The following HS3ST5 variants were observed in gnomAD, a reference collection of about 807,000 sequenced individuals.
HS3ST5 encodes heparan sulfate-glucosamine 3-sulfotransferase 5, also known as heparan sulfate glucosamine 3-O-sulfotransferase 5.
HS3ST5 carries 10 observed loss-of-function variants against 25.4 expected under a neutral mutation model. The observed-to-expected ratio is 0.39, with a 90% CI of 0.24 to 0.67. HS3ST5 has a LOEUF of 0.67. HS3ST5 is among the 30% of genes least tolerant of loss of function. HS3ST5 has a pLI of 0.44. For missense variants in HS3ST5, 324 were observed against 420.7 expected (o/e 0.77, Z 2.01); for synonymous variants, 170 against 162.4 (o/e 1.05, Z -0.36).
At chr6:114,148,196 T>G (rs1035451322) in intron 3 of HS3ST5, among the ~76,000 whole-genome samples, 24 of 152,328 alleles carry the variant, frequency 1.6e-4, no homozygotes, top group Middle Eastern at 3.4e-3. Context: ...AATTCCCTAT[T>G]TAATAAATGG....
At chr6:114,201,612 GTT>G (rs1781018259) in intron 2 of HS3ST5, among the ~76,000 whole-genome samples, 2 of 152,066 alleles carry the variant, frequency 1.3e-5, no homozygotes, top group African/African-American at 4.8e-5. Flanking sequence ...CATTCCTCAC[GTT>G]CTTCAAGACT....
chr6:114,149,080 A>C (rs540989835), intron 3 of HS3ST5, among the ~76,000 whole-genome samples: 2 of 152,342 alleles, frequency 1.3e-5, no homozygotes, highest in East Asian at 1.9e-4. Flanking sequence ...GTCAGGAAAC[A>C]ACAGATGCTG....
intron 1 of HS3ST5, among the ~76,000 whole-genome samples, chr6:114,341,199 G>C (rs1776828762): frequency 7.2e-6 from 1 of 139,198 alleles, no homozygotes; most frequent in African/African-American, 2.7e-5. Flanking sequence ...AGAGGGAGAG[G>C]GAGAGGGAAT....
intron 1 of HS3ST5, among the ~76,000 whole-genome samples, chr6:114,314,244 A>G (rs2114855833): frequency 6.6e-6 from 1 of 152,110 alleles, no homozygotes; most frequent in East Asian, 1.9e-4. Flanking sequence ...CCCATTTCTG[A>G]TTCAATAGGT....
intron 3 of HS3ST5, chr6:114,132,032 A>G (rs1383928947): frequency 6.6e-6 from 1 of 152,128 alleles, no homozygotes; most frequent in Non-Finnish European, 1.5e-5. Context: ...CCTAAATTTT[A>G]ATTTGTTTTT....
At chr6:114,250,956 G>A (rs1480379753) in intron 1 of HS3ST5, among the ~76,000 whole-genome samples, 1 of 152,116 alleles carries the variant, frequency 6.6e-6, no homozygotes, top group Non-Finnish European at 1.5e-5. Flanking sequence ...AGGAGAAAAT[G>A]GGAAGAAAGT....
At chr6:114,101,762 CA>C (rs1242141164) in intron 3 of HS3ST5, among the ~76,000 whole-genome samples, 1 of 152,190 alleles carries the variant, frequency 6.6e-6, no homozygotes, top group Non-Finnish European at 1.5e-5. Flanking sequence ...GTGTTCATCA[CA>C]GCAGTATTCA....
At chr6:114,197,704 TC>T (rs1780828747) in intron 2 of HS3ST5, among the ~76,000 whole-genome samples, 1 of 152,142 alleles carries the variant, frequency 6.6e-6, no homozygotes, top group Non-Finnish European at 1.5e-5. Context: ...AGATTTAGCT[TC>T]CACTTATAAA....
chr6:114,225,781 A>G (rs1771242973), intron 2 of HS3ST5, among the ~76,000 whole-genome samples: 1 of 151,932 alleles, frequency 6.6e-6, no homozygotes, highest in African/African-American at 2.4e-5. Context: ...GTTCATCTAC[A>G]TAAACTGTCA....
At position 114,247,351 on chromosome 6, in the gene HS3ST5, C is replaced by T. The variant is rs76245518; in HGVS notation, c.-338-18573G>A. On this transcript the variant is annotated intron_variant, in intron 1 of 4. Coordinates refer to ENST00000312719, the MANE Select transcript of HS3ST5 (RefSeq NM_153612.4). ...ACCCAATGGCTGTCAACATATTAGG[C>T]TGGTCTTTACTTGTACCTTAGTGAT... Among the ~76,000 whole-genome samples the T allele has an allele frequency of 3.1e-4, 47 of 152,266 alleles. 3 individuals are homozygous for T. The East Asian group carries it at 8.5e-3, about 28-fold the overall frequency.
At chr6:114,198,821 G>C (rs1233569772) in intron 2 of HS3ST5, among the ~76,000 whole-genome samples, 1 of 151,864 alleles carries the variant, frequency 6.6e-6, no homozygotes, top group Non-Finnish European at 1.5e-5. Flanking sequence ...AAATGCATTA[G>C]ATAATCACAG....
chr6:114,138,157 A>G (rs909008335), intron 3 of HS3ST5, among the ~76,000 whole-genome samples: 9 of 152,304 alleles, frequency 5.9e-5, no homozygotes, highest in African/African-American at 2.2e-4. Flanking sequence ...TTATATGTCC[A>G]AATTTACATT....
intron 3 of HS3ST5, among the ~76,000 whole-genome samples, chr6:114,128,011 TGAAAAAG>T (rs1334638859): frequency 6.6e-6 from 1 of 151,670 alleles, no homozygotes; most frequent in Non-Finnish European, 1.5e-5. Context: ...TACAGCTGCC[TGAAAAAG>T]GAAAAAGTAA....
At chr6:114,284,125 T>C (rs1376220577) in intron 1 of HS3ST5, among the ~76,000 whole-genome samples, 1 of 152,014 alleles carries the variant, frequency 6.6e-6, no homozygotes, top group Non-Finnish European at 1.5e-5. Flanking sequence ...AATGATTATA[T>C]ACTCATATGC....
At chr6:114,215,684 G>A (rs1036650137) in intron 2 of HS3ST5, among the ~76,000 whole-genome samples, 4 of 152,110 alleles carry the variant, frequency 2.6e-5, no homozygotes, top group Non-Finnish European at 5.9e-5. Flanking sequence ...CTATATGCCA[G>A]CAGACTCGGT....
chr6:114,218,139 A>C (rs1433965350), intron 2 of HS3ST5, among the ~76,000 whole-genome samples: 1 of 152,096 alleles, frequency 6.6e-6, no homozygotes, highest in Non-Finnish European at 1.5e-5. Context: ...CTGGGATTAC[A>C]GGTGCCTGCT....
chr6:114,335,348 C>T (rs1204091321), intron 1 of HS3ST5, among the ~76,000 whole-genome samples: 1 of 151,124 alleles, frequency 6.6e-6, no homozygotes, highest in Non-Finnish European at 1.5e-5. Context: ...TAAACTTGAT[C>T]TCTTAAGTCA....
intron 3 of HS3ST5, among the ~76,000 whole-genome samples, chr6:114,122,513 G>A (rs1776843734): frequency 6.6e-6 from 1 of 152,150 alleles, no homozygotes; most frequent in African/African-American, 2.4e-5. Context: ...ATTTTCAACA[G>A]GGTGGTAGAT....
At chr6:114,098,202 T>C (rs1775543995) in intron 3 of HS3ST5, among the ~76,000 whole-genome samples, 1 of 152,000 alleles carries the variant, frequency 6.6e-6, no homozygotes, top group Non-Finnish European at 1.5e-5. Context: ...CTGGAAGTTT[T>C]TGGCTGTGAC....
Sources: gnomAD v4.1 joint callset for allele counts (sites outside exome capture counted in the v4.1 genomes callset) on GRCh38, gnomAD v4.1.1 for gene constraint, MANE v1.5 for transcripts, NCBI Gene and HGNC (gene_info 2026-07-23, HGNC 2026-07-21) for gene names.